The following PPIP5K1 variants were observed in gnomAD, a reference collection of about 807,000 sequenced individuals.
PPIP5K1 encodes the protein diphosphoinositol pentakisphosphate kinase 1, also known as inositol hexakisphosphate and diphosphoinositol-pentakisphosphate kinase 1.
A neutral mutation model predicts 27.7 loss-of-function variants in PPIP5K1; 6 were observed. The observed-to-expected ratio is 0.22, with a 90% CI of 0.12 to 0.43. The LOEUF is 0.43. Among genes scored for constraint, PPIP5K1 ranks in the 20% least tolerant of loss-of-function variants. The pLI is 1.00. For synonymous variants in PPIP5K1, 145 were observed against 242.6 expected, an observed-to-expected ratio of 0.60 and a Z score of 3.74; for missense variants, 394 against 635.4, an observed-to-expected ratio of 0.62 and a Z score of 4.08.
chr15:43,579,670 T>TATTTTA (rs2084815334), intron 10 of PPIP5K1, among the ~76,000 whole-genome samples: 1 of 52,590 alleles, frequency 1.9e-5, no homozygotes, highest in South Asian at 7.4e-4. Context: ...TTTTTTTTTT[T>TATTTTA]TTTTTTTTTG....
intron 30 of PPIP5K1, chr15:43,548,550 T>C (rs990819232): frequency 6.5e-5 from 9 of 138,368 alleles, no homozygotes; most frequent in African/African-American, 2.4e-4. Context: ...GCACCCTGCG[T>C]TGTTTTTTTT....
intron 30 of PPIP5K1, among the ~76,000 whole-genome samples, chr15:43,550,607 A>AT (rs534265875): frequency 1.3e-5 from 2 of 151,438 alleles, no homozygotes; most frequent in East Asian, 1.9e-4. Flanking sequence ...CAATTTGGAT[A>AT]TTTTTTTTTC....
At position 43,558,920 on chromosome 15, in the gene PPIP5K1, C is replaced by G; in HGVS notation, c.3431G>C (p.Cys1144Ser). Residue 1144 changes from cysteine to serine, a missense_variant, in exon 30 of 32, where the codon TGT becomes TCT. Around this residue, in one of 4 missense-constraint regions of PPIP5K1, gnomAD observed 379 missense variants for 423.9 expected, o/e 0.89. Transcript: ENST00000420765. ...DPECLYGFEGCSMVPTIYPLE... is the reference protein window; with the variant it reads ...DPECLYGFEGSSMVPTIYPLE... ...AGGGTAGATGGTAGGCACCATGGAA[C>G]ACCCTTCAAACCCTGTTTGAAAAGA... is the stretch of plus-strand genomic sequence containing the variant. The G allele has an allele frequency of 9.3e-6, 15 of 1,613,512 alleles. No homozygotes were observed. Among genetic ancestry groups the G allele is most frequent in the Non-Finnish European group, 1.3e-5 (15 of 1,179,982 alleles).
chr15:43,535,269 G>A lies in PPIP5K1; in HGVS notation c.3878C>T (p.Pro1293Leu). The A allele has an allele frequency of 6.2e-7, 1 of 1,614,154 alleles. No individual in the cohort carries two copies. Among genetic ancestry groups the A allele is most frequent in the Non-Finnish European group, 8.5e-7 (1 of 1,180,030 alleles). Residue 1293 changes from proline (P) to leucine (L), a missense_variant, in exon 32 of 32, where the codon CCA (proline) becomes CTA (leucine). By Grantham distance (98) the Pro-to-Leu change is moderately conservative (BLOSUM62 -3). Coordinates refer to ENST00000420765, the MANE Select transcript of PPIP5K1 (RefSeq NM_001394395.1). ...AGGTGGCACCTGTGGGGACTGATTT[G>A]GTTCAAAAAGCTCTTGCTCCCCTTC... is the stretch of plus-strand genomic sequence containing the variant. ...SIEGEQELFE[P>L]NQSPQVPPME...
At chr15:43,556,335 G>T (rs1249733834) in intron 30 of PPIP5K1, among the ~76,000 whole-genome samples, 1 of 148,886 alleles carries the variant, frequency 6.7e-6, no homozygotes, top group Non-Finnish European at 1.5e-5. Flanking sequence ...CAGAAAAAAA[G>T]AAAAAAAAAG....
intron 30 of PPIP5K1, among the ~76,000 whole-genome samples, chr15:43,551,385 G>A (rs978459529): frequency 6.6e-6 from 1 of 151,370 alleles, no homozygotes; most frequent in Non-Finnish European, 1.5e-5. Flanking sequence ...GGGTGTGGTG[G>A]GCAGTGCCTG....
chr15:43,538,972 CCT>C (rs1343074282), intron 31 of PPIP5K1, among the ~76,000 whole-genome samples: 4 of 152,100 alleles, frequency 2.6e-5, no homozygotes, highest in Non-Finnish European at 5.9e-5. Flanking sequence ...AGAAATTATT[CCT>C]CTGAGGCAGG....
At chr15:43,536,612 C>A (rs2079898756) in intron 31 of PPIP5K1, among the ~76,000 whole-genome samples, 1 of 152,272 alleles carries the variant, frequency 6.6e-6, no homozygotes, top group East Asian at 1.9e-4. Flanking sequence ...ACAGACCCTA[C>A]CCTGAAACCA....
chr15:43,544,113 C>T (rs2081098796), intron 30 of PPIP5K1, among the ~76,000 whole-genome samples: 1 of 152,076 alleles, frequency 6.6e-6, no homozygotes, highest in Admixed American at 6.6e-5. Context: ...AAAAGGCACA[C>T]TCAGAGAAAC....
intron 30 of PPIP5K1, among the ~76,000 whole-genome samples, chr15:43,550,135 TTTTC>T (rs1292451908): frequency 6.6e-6 from 1 of 151,898 alleles, no homozygotes; most frequent in African/African-American, 2.4e-5. Context: ...GATCTTTCTT[TTTTC>T]TTTCTTTTTT....
At chr15:43,537,344 CAAAAAAAAAA>C (rs375557879) in intron 31 of PPIP5K1, 16 of 83,490 alleles carry the variant, frequency 1.9e-4, no homozygotes, top group African/African-American at 8.9e-4. Flanking sequence ...GACTCCACCT[CAAAAAAAAAA>C]AAAAAAAAAA....
chr15:43,534,541 C>T lies in PPIP5K1; in HGVS notation c.*133G>A. ...TAATGAGAAAATTAATCACATGTTG[C>T]TGGTGGAAGGGGTGAGTGCTGGTCA... On this transcript the variant is annotated 3_prime_UTR_variant, in exon 32 of 32. Coordinates refer to ENST00000420765, the MANE Select transcript of PPIP5K1 (RefSeq NM_001394395.1). 1.3e-6 allele frequency: 1 copy of T among 747,218 alleles called. No individual in the cohort carries two copies. The highest frequency in any genetic ancestry group is 2.6e-5 in the East Asian group (1 of 38,248). The allele number at this position is 747,218 out of a possible 1,614,324, so 46.3% of individuals were successfully genotyped here.
chr15:43,548,361 C>G (rs1199828807), intron 30 of PPIP5K1: 1 of 151,192 alleles, frequency 6.6e-6, no homozygotes, highest in African/African-American at 2.4e-5. Context: ...CCTGCTTCAG[C>G]CTCCCAAAGT....
intron 30 of PPIP5K1, among the ~76,000 whole-genome samples, chr15:43,541,596 A>T (rs1338293018): frequency 6.6e-6 from 1 of 152,064 alleles, no homozygotes; most frequent in African/African-American, 2.4e-5. Context: ...GGGCGCCTGT[A>T]ATCTCAGCTA....
At chr15:43,557,831 T>TC (rs2083199546) in intron 30 of PPIP5K1, among the ~76,000 whole-genome samples, 1 of 142,152 alleles carries the variant, frequency 7.0e-6, no homozygotes, top group African/African-American at 2.6e-5. Context: ...TGCATAGCCT[T>TC]TTTTTTTTTT....
At chr15:43,558,968 C>A in intron 29 of PPIP5K1, 36 bp from the exon 30 acceptor site, 1 of 1,610,052 alleles carries the variant, frequency 6.2e-7, no homozygotes, top group Non-Finnish European at 8.5e-7. Flanking sequence ...CAATGTTACT[C>A]CTGCCAGATA....
chr15:43,559,607 G>C lies in PPIP5K1; in HGVS notation c.3419-675C>G, dbSNP rs191232721. Among the ~76,000 whole-genome samples, 3 of 152,044 alleles carry C rather than the reference G, an allele frequency of 2.0e-5. No individual in the cohort carries two copies. In the East Asian group the frequency reaches 5.8e-4, roughly 29 times the overall value. On this transcript the variant is annotated intron_variant, in intron 29 of 31. Coordinates refer to ENST00000420765, the MANE Select transcript of PPIP5K1 (RefSeq NM_001394395.1). Reference sequence around the variant, plus strand: ...TACTGGAAAACCCCAGACTTGCTAGGGTCTTTCTACTTCATCAGAAAAATG... The same window carrying C: ...TACTGGAAAACCCCAGACTTGCTAGCGTCTTTCTACTTCATCAGAAAAATG...
In PPIP5K1 at chr15:43,558,888, T is replaced by C. The variant is rs1567072182; in HGVS notation, c.3463A>G (p.Thr1155Ala). 3 of 1,614,056 alleles carry C rather than the reference T, an allele frequency of 1.9e-6. No homozygotes were observed. The highest frequency in any genetic ancestry group is 1.7e-6 in the Non-Finnish European group (2 of 1,180,028). The change falls in exon 30 of 32, where the codon ACA becomes GCA. Residue 1155 changes from threonine (T) to alanine (A), a missense_variant. By Grantham distance (58) the Thr-to-Ala change is moderately conservative (BLOSUM62 0). Around this residue, in one of 4 missense-constraint regions of PPIP5K1, gnomAD observed 379 missense variants for 423.9 expected, o/e 0.89. Coordinates refer to ENST00000420765, the MANE Select transcript of PPIP5K1 (RefSeq NM_001394395.1). The stretch of plus-strand genomic sequence containing the variant: ...CGTAGGGAAAGGGCATTATGCAGTG[T>C]TTCCAGAGGGTAGATGGTAGGCACC... ...SMVPTIYPLE[T>A]LHNALSLRQV...
rs1277614511 is a variant in PPIP5K1, at chr15:43,539,721, TCAAC to T, written c.3557-142_3557-139del. On this transcript the variant is annotated intron_variant, in intron 30 of 31. Transcript: ENST00000420765. ...AGAAGTAGCATTTCCTGGGGACCCT[TCAAC>T]CAAACCATTTTCAATTTTTTAAACG... is the stretch of plus-strand genomic sequence containing the variant. 5 of 592,376 alleles carry T rather than the reference TCAAC, an allele frequency of 8.4e-6. No individual in the cohort carries two copies. The African/African-American group carries it at 9.4e-5, about 11-fold the overall frequency. 36.7% of individuals were successfully genotyped at this position (592,376 alleles called of 1,614,324 possible). A position where few individuals can be genotyped will look rare whatever the true frequency, so the allele number is the denominator to read the frequency against.
Sources: allele counts gnomAD v4.1 joint callset (sites outside exome capture counted in the v4.1 genomes callset), GRCh38; gene constraint gnomAD v4.1.1; regional missense constraint gnomAD v4.1.1; transcripts MANE v1.5; gene names NCBI Gene and HGNC (gene_info 2026-07-23, HGNC 2026-07-21).